The following ABLIM1 variants were observed in gnomAD, a reference collection of about 807,000 sequenced individuals.
ABLIM1 encodes actin binding LIM protein 1.
ABLIM1 carries 40 observed loss-of-function variants against 107.0 expected under a neutral mutation model. The ratio of observed to expected loss-of-function variants is 0.37; its 90% CI spans 0.29 to 0.49. ABLIM1 has a LOEUF of 0.49. Among genes scored for constraint, ABLIM1 ranks in the 20% least tolerant of loss-of-function variants. The probability of loss-of-function intolerance (pLI) is 0.97; values close to 1 mark genes in which losing one functional copy is unlikely to be tolerated. For missense variants in ABLIM1, 857 were observed against 1,008.5 expected (o/e 0.85, Z 2.04); for synonymous variants, 357 against 357.3 (o/e 1.00, Z 0.01).
At chr10:114,672,270 T>C (rs1463189828) in intron 1 of ABLIM1, among the ~76,000 whole-genome samples, 1 of 152,060 alleles carries the variant, frequency 6.6e-6, no homozygotes, top group Non-Finnish European at 1.5e-5. Flanking sequence ...GTGTAATTTC[T>C]GTTCACTGCA....
chr10:114,610,023 A>T (rs1221763730), intron 1 of ABLIM1, among the ~76,000 whole-genome samples: 1 of 152,242 alleles, frequency 6.6e-6, no homozygotes, highest in African/African-American at 2.4e-5. Flanking sequence ...GGAAAAGATT[A>T]TCTAGCATAG....
chr10:114,782,925 T>C, the ABLIM1 span, among the ~76,000 whole-genome samples: 1 of 152,080 alleles, frequency 6.6e-6, no homozygotes, highest in Non-Finnish European at 1.5e-5. Flanking sequence ...CCGGCTTCAG[T>C]GATCAAGTAT....
At chr10:114,500,290 G>C (rs961434234) in intron 6 of ABLIM1, among the ~76,000 whole-genome samples, 1 of 152,194 alleles carries the variant, frequency 6.6e-6, no homozygotes, top group Non-Finnish European at 1.5e-5. Flanking sequence ...TTTCATCATA[G>C]AGTAGAAAGA....
At chr10:114,713,413 G>A (rs1460948202) in intron 1 of ABLIM1, among the ~76,000 whole-genome samples, 1 of 152,172 alleles carries the variant, frequency 6.6e-6, no homozygotes, top group Non-Finnish European at 1.5e-5. Flanking sequence ...TAAGTTCACA[G>A]TAGTAAGATC....
chr10:114,701,068 A>T (rs559094082), intron 1 of ABLIM1, among the ~76,000 whole-genome samples: 34 of 152,154 alleles, frequency 2.2e-4, no homozygotes, highest in Middle Eastern at 6.8e-3. Context: ...AATACATTTT[A>T]AAAAAAACTC....
At chr10:114,665,042 G>A (rs1489603850) in intron 1 of ABLIM1, among the ~76,000 whole-genome samples, 9 of 151,858 alleles carry the variant, frequency 5.9e-5, no homozygotes, top group Non-Finnish European at 1.2e-4. Context: ...GCGTGAACCC[G>A]GGAGGTGGAG....
intron 4 of ABLIM1, among the ~76,000 whole-genome samples, chr10:114,560,446 C>T (rs1439085081): frequency 6.6e-6 from 1 of 152,196 alleles, no homozygotes; most frequent in African/African-American, 2.4e-5. Context: ...CTGTAGCCTC[C>T]GTAACATGAA....
intron 1 of ABLIM1, among the ~76,000 whole-genome samples, chr10:114,696,971 T>A (rs1312829124): frequency 1.3e-5 from 2 of 152,208 alleles, no homozygotes; most frequent in African/African-American, 4.8e-5. Context: ...AGATGCTGAA[T>A]GGATCACTAA....
chr10:114,624,001 G>C (rs999655192), intron 1 of ABLIM1, among the ~76,000 whole-genome samples: 3 of 152,046 alleles, frequency 2.0e-5, no homozygotes, highest in African/African-American at 7.2e-5. Context: ...ACAAATTTTC[G>C]CTCTCCCCAC....
At chr10:114,439,662 T>C (rs1265173291) in intron 20 of ABLIM1, 3 of 360,862 alleles carry the variant, frequency 8.3e-6, no homozygotes, top group South Asian at 6.3e-5. Context: ...GAGAAAGGAA[T>C]GTCATGAGGG....
At chr10:114,500,858 G>C (rs2060337448) in intron 6 of ABLIM1, among the ~76,000 whole-genome samples, 1 of 151,782 alleles carries the variant, frequency 6.6e-6, no homozygotes, top group Non-Finnish European at 1.5e-5. Flanking sequence ...CAAAGTAACT[G>C]GTGCCAATCA....
At chr10:114,468,422 C>CATAT (rs201070970) in intron 10 of ABLIM1, among the ~76,000 whole-genome samples, 4 of 151,850 alleles carry the variant, frequency 2.6e-5, no homozygotes, top group South Asian at 2.1e-4. Flanking sequence ...CTACAGGCGC[C>CATAT]GCCACCACCC....
intron 2 of ABLIM1, among the ~76,000 whole-genome samples, chr10:114,579,691 C>T (rs1051970841): frequency 6.6e-6 from 1 of 152,186 alleles, no homozygotes; most frequent in Non-Finnish European, 1.5e-5. Context: ...TGCTATCCAT[C>T]CACAGAACTC....
intron 22 of ABLIM1, 96 bp downstream of exon 22, chr10:114,437,748 T>C (rs1358008286): frequency 1.9e-6 from 2 of 1,053,096 alleles, no homozygotes; most frequent in Non-Finnish European, 2.9e-6. Context: ...TAATTTTTTT[T>C]TGTTTTCACT....
the ABLIM1 span, among the ~76,000 whole-genome samples, chr10:114,793,747 A>G: frequency 1.3e-5 from 2 of 152,120 alleles, no homozygotes; most frequent in African/African-American, 2.4e-5. Context: ...AGGACTCCCT[A>G]CTGGCCTTGC....
intron 6 of ABLIM1, among the ~76,000 whole-genome samples, chr10:114,521,384 T>G (rs1222418335): frequency 1.3e-5 from 2 of 152,258 alleles, no homozygotes; most frequent in Non-Finnish European, 2.9e-5. Context: ...TGATGAAGTA[T>G]GCTTATAAAG....
intron 6 of ABLIM1, among the ~76,000 whole-genome samples, chr10:114,531,320 T>C (rs568208251): frequency 6.6e-6 from 1 of 152,220 alleles, no homozygotes. Flanking sequence ...TCTTACTATC[T>C]GTTTGAAGCC....
At chr10:114,441,859 A>G in intron 17 of ABLIM1, 73 bp from the exon 18 acceptor site, 2 of 1,338,760 alleles carry the variant, frequency 1.5e-6, no homozygotes, top group African/African-American at 2.9e-5. Flanking sequence ...AATTGGCAGT[A>G]TCTTCTACCT....
intron 2 of ABLIM1, among the ~76,000 whole-genome samples, chr10:114,593,573 A>T (rs2075128042): frequency 6.6e-6 from 1 of 152,164 alleles, no homozygotes; most frequent in South Asian, 2.1e-4. Flanking sequence ...GTTGCAAGAA[A>T]ACCTGCCCAA....
Sources: allele counts gnomAD v4.1 joint callset (sites outside exome capture counted in the v4.1 genomes callset), GRCh38; gene constraint gnomAD v4.1.1; transcripts MANE v1.5; gene names NCBI Gene and HGNC (gene_info 2026-07-23, HGNC 2026-07-21).